SERPINB8: variants seen among roughly 807,000 people sequenced by gnomAD.
The protein encoded by SERPINB8 is serpin family B member 8, also known as serpin B8.
SERPINB8 carries 25 observed loss-of-function variants against 35.3 expected under a neutral mutation model. The observed-to-expected ratio is 0.71, with a 90% CI of 0.52 to 0.99. The LOEUF is 0.99. SERPINB8 is among the 50% of genes least tolerant of loss of function. The probability of loss-of-function intolerance (pLI) is 0.00; values close to 1 mark genes in which losing one functional copy is unlikely to be tolerated. For synonymous variants in SERPINB8, 186 were observed against 160.8 expected, an observed-to-expected ratio of 1.16 and a Z score of -1.19; for missense variants, 484 against 446.5, an observed-to-expected ratio of 1.08 and a Z score of -0.76.
intron 7 of SERPINB8, among the ~76,000 whole-genome samples, chr18:64,015,501 G>C (rs967890486): frequency 6.6e-6 from 1 of 152,122 alleles, no homozygotes; most frequent in Non-Finnish European, 1.5e-5. Flanking sequence ...TGGGCCATAT[G>C]CTTTCCTTTC....
downstream of SERPINB8, among the ~76,000 whole-genome samples, chr18:64,006,386 G>C (rs972342937): frequency 3.3e-5 from 5 of 152,160 alleles, no homozygotes; most frequent in Non-Finnish European, 7.4e-5. Context: ...GAGGTAATTT[G>C]AGTTATATGA....
At chr18:64,000,657 G>T (rs2050870078) in intron 1 of SERPINB8, among the ~76,000 whole-genome samples, 1 of 152,034 alleles carries the variant, frequency 6.6e-6, no homozygotes, top group Non-Finnish European at 1.5e-5. Context: ...GGCTCTGTTG[G>T]GACACTGCCA....
intron 1 of SERPINB8, among the ~76,000 whole-genome samples, chr18:63,977,077 T>C (rs992266245): frequency 2.0e-5 from 3 of 152,118 alleles, no homozygotes; most frequent in Non-Finnish European, 2.9e-5. Flanking sequence ...ACATTCTTTA[T>C]AGATTATATT....
intron 1 of SERPINB8, among the ~76,000 whole-genome samples, chr18:64,004,331 C>A (rs1222958493): frequency 6.6e-6 from 1 of 152,024 alleles, no homozygotes; most frequent in Non-Finnish European, 1.5e-5. Flanking sequence ...GAAAAAAAGC[C>A]TTGAAAATTC....
intron 5 of SERPINB8, among the ~76,000 whole-genome samples, chr18:63,984,243 A>G (rs2050716372): frequency 6.6e-6 from 1 of 152,236 alleles, no homozygotes; most frequent in South Asian, 2.1e-4. Context: ...TTGTTTTTCC[A>G]TCTTTGATCA....
At chr18:63,991,287 C>T (rs566677631), downstream of SERPINB8, among the ~76,000 whole-genome samples, 1 of 152,266 alleles carries the variant, frequency 6.6e-6, no homozygotes, top group East Asian at 1.9e-4. Context: ...TGTGTGAATT[C>T]TAAATATCAA....
At position 63,997,751 on chromosome 18, in the gene SERPINB8, T is replaced by C. The variant is rs796393115; in HGVS notation, c.71-7068T>C. On this transcript the variant is annotated intron_variant, in intron 1 of 1. Coordinates refer to the SERPINB8 transcript ENST00000493661. Reference sequence around the variant, plus strand: ...AGCTACTGGCAAAATTGTGCTGACATGTAAAACACATCCCTCTCTTGGGAT... The same window carrying C: ...AGCTACTGGCAAAATTGTGCTGACACGTAAAACACATCCCTCTCTTGGGAT... 9.8e-5 allele frequency among the ~76,000 whole-genome samples: 15 copies of C among 152,338 alleles called. 1 individual carries two copies. The highest frequency in any genetic ancestry group is 3.1e-4 in the African/African-American group (13 of 41,594).
At chr18:64,016,846 C>A (rs1307511758) in intron 7 of SERPINB8, among the ~76,000 whole-genome samples, 1 of 152,176 alleles carries the variant, frequency 6.6e-6, no homozygotes, top group Non-Finnish European at 1.5e-5. Flanking sequence ...TGTTCTAAAC[C>A]TTGCTCTAAG....
chr18:63,977,623 C>T (rs1039589338), intron 1 of SERPINB8, among the ~76,000 whole-genome samples: 3 of 152,138 alleles, frequency 2.0e-5, no homozygotes, highest in East Asian at 1.9e-4. Context: ...GCACCACACC[C>T]GTCCGCACAA....
At chr18:63,986,320 A>G in intron 6 of SERPINB8, 3 of 1,606,734 alleles carry the variant, frequency 1.9e-6, no homozygotes, top group South Asian at 2.2e-5. Flanking sequence ...ACAAACAAGG[A>G]TGCTGATGAA....
intron 5 of SERPINB8, among the ~76,000 whole-genome samples, chr18:63,984,052 G>GA (rs2144814393): frequency 6.6e-6 from 1 of 152,130 alleles, no homozygotes; most frequent in Admixed American, 6.5e-5. Context: ...TTGTCATATT[G>GA]CCCAGGTTGG....
intron 1 of SERPINB8, among the ~76,000 whole-genome samples, chr18:63,998,397 G>A (rs1179905203): frequency 1.3e-5 from 2 of 152,142 alleles, no homozygotes; most frequent in Admixed American, 6.5e-5. Context: ...GTCAAATTAT[G>A]AGGCATGATG....
intron 1 of SERPINB8, among the ~76,000 whole-genome samples, chr18:63,998,815 G>T (rs886134917): frequency 1.3e-5 from 2 of 152,140 alleles, no homozygotes; most frequent in South Asian, 4.1e-4. Flanking sequence ...CCTGAATTTT[G>T]CCTACAAGGA....
chr18:64,000,966 T>C (rs1412826770), intron 1 of SERPINB8, among the ~76,000 whole-genome samples: 1 of 152,250 alleles, frequency 6.6e-6, no homozygotes, highest in African/African-American at 2.4e-5. Flanking sequence ...AATAAAAATG[T>C]AGGATTGCTA....
chr18:64,004,287 ATTTGCTT>A (rs2050889817), intron 1 of SERPINB8, among the ~76,000 whole-genome samples: 7 of 152,152 alleles, frequency 4.6e-5, no homozygotes, highest in Non-Finnish European at 1.0e-4. Flanking sequence ...GGCACTCAGT[ATTTGCTT>A]AGCATGGCTA....
intron 6 of SERPINB8, chr18:63,986,379 C>T: frequency 1.3e-6 from 2 of 1,561,386 alleles, no homozygotes; most frequent in Non-Finnish European, 1.7e-6. Flanking sequence ...TCTCATGCCT[C>T]CCTTCATCTT....
intron 1 of SERPINB8, among the ~76,000 whole-genome samples, chr18:63,975,854 C>T (rs1249324080): frequency 6.6e-6 from 1 of 152,158 alleles, no homozygotes; most frequent in African/African-American, 2.4e-5. Flanking sequence ...ACTTCCTTGT[C>T]TCAGCCACTC....
intron 2 of SERPINB8, among the ~76,000 whole-genome samples, chr18:63,979,066 A>G (rs116666658): frequency 9.2e-5 from 14 of 152,344 alleles, no homozygotes; most frequent in African/African-American, 3.4e-4. Context: ...GATGTCCCAG[A>G]TAATTGCCAA....
intron 1 of SERPINB8, among the ~76,000 whole-genome samples, chr18:63,974,257 T>A (rs2050544335): frequency 6.6e-6 from 1 of 152,344 alleles, no homozygotes; most frequent in South Asian, 2.1e-4. Context: ...GTGTGTCTTC[T>A]TTAGGGTGTA....
Sources: allele counts gnomAD v4.1 joint callset (sites outside exome capture counted in the v4.1 genomes callset), GRCh38; gene constraint gnomAD v4.1.1; transcripts MANE v1.5; gene names NCBI Gene and HGNC (gene_info 2026-07-23, HGNC 2026-07-21).